The following GRM5 variants were observed in gnomAD, a reference collection of about 807,000 sequenced individuals.
GRM5 encodes the protein metabotropic glutamate receptor 5.
A neutral mutation model predicts 83.1 loss-of-function variants in GRM5; 19 were observed. The ratio of observed to expected loss-of-function variants is 0.23; its 90% CI spans 0.16 to 0.34. The LOEUF (loss-of-function observed/expected upper bound fraction) is 0.34. Ranked by LOEUF, GRM5 falls within the 10% of genes least tolerant of loss-of-function variation. The pLI is 1.00. For synonymous variants in GRM5, 675 were observed against 633.6 expected (o/e 1.07, Z -0.98); for missense variants, 1,160 against 1,588.3 (o/e 0.73, Z 4.58).
At chr11:88,638,791 A>T (rs1308680783) in intron 4 of GRM5, among the ~76,000 whole-genome samples, 1 of 151,966 alleles carries the variant, frequency 6.6e-6, no homozygotes, top group Admixed American at 6.6e-5. Flanking sequence ...TTTCTTTTTC[A>T]TATCTATAAA....
intron 3 of GRM5, among the ~76,000 whole-genome samples, chr11:88,817,184 T>C (rs949233573): frequency 1.3e-5 from 2 of 152,136 alleles, no homozygotes; most frequent in East Asian, 1.9e-4. Context: ...TATCTTCAAA[T>C]TGGTTTGGAA....
chr11:88,969,729 T>C (rs1939109323), intron 2 of GRM5, among the ~76,000 whole-genome samples: 1 of 152,038 alleles, frequency 6.6e-6, no homozygotes, highest in Non-Finnish European at 1.5e-5. Flanking sequence ...AGGGAAGAAA[T>C]AAACTGATGT....
rs140573107 is a variant in GRM5, at chr11:89,027,783, C to A, written c.661+19429G>T. ...GACCTCCATGTACTCAAAACTATGG[C>A]AACTGCTATGAACAATGTCAAAGAA... On this transcript the variant is annotated intron_variant, in intron 2 of 9. Coordinates refer to ENST00000305447, the MANE Select transcript of GRM5 (RefSeq NM_001143831.3). Among the ~76,000 whole-genome samples the A allele has an allele frequency of 5.0e-3, 761 of 152,270 alleles. 7 individuals carry two copies. Among genetic ancestry groups the A allele is most frequent in the African/African-American group, 0.018 (734 of 41,542 alleles).
chr11:88,663,777 T>C (rs186243745), intron 3 of GRM5, among the ~76,000 whole-genome samples: 1 of 152,310 alleles, frequency 6.6e-6, no homozygotes, highest in African/African-American at 2.4e-5. Flanking sequence ...TTGCCTCTTT[T>C]ATGAAGGCCA....
chr11:88,822,308 A>G (rs935115077), intron 3 of GRM5, among the ~76,000 whole-genome samples: 3 of 152,216 alleles, frequency 2.0e-5, no homozygotes, highest in Admixed American at 2.0e-4. Context: ...GATCTTGCCA[A>G]TAAGAGATAT....
At chr11:88,754,174 A>G (rs1420052741) in intron 3 of GRM5, among the ~76,000 whole-genome samples, 1 of 152,158 alleles carries the variant, frequency 6.6e-6, no homozygotes, top group Non-Finnish European at 1.5e-5. Flanking sequence ...TCAGCAAATT[A>G]ATGCAGGAAC....
chr11:88,647,512 T>C (rs1565170105), intron 4 of GRM5, among the ~76,000 whole-genome samples: 1 of 151,764 alleles, frequency 6.6e-6, no homozygotes, highest in Non-Finnish European at 1.5e-5. Context: ...TCACGATGCA[T>C]TAAAGACTTA....
chr11:88,524,214 CTTTTTTTTTT>C (rs71470770), intron 9 of GRM5, among the ~76,000 whole-genome samples: 1 of 101,408 alleles, frequency 9.9e-6, no homozygotes, highest in Non-Finnish European at 1.9e-5. Flanking sequence ...TTCTTTCTTT[CTTTTTTTTTT>C]TTTTTTTTTT....
chr11:88,840,622 A>G (rs1335199000), intron 3 of GRM5, among the ~76,000 whole-genome samples: 1 of 152,186 alleles, frequency 6.6e-6, no homozygotes, highest in Non-Finnish European at 1.5e-5. Flanking sequence ...GGCTTTTTCC[A>G]TAACAACAAT....
intron 6 of GRM5, among the ~76,000 whole-genome samples, chr11:88,596,040 T>A (rs1254563398): frequency 6.6e-6 from 1 of 152,202 alleles, no homozygotes; most frequent in African/African-American, 2.4e-5. Flanking sequence ...ACTGGATGGC[T>A]ATTTTAAAAC....
intron 1 of GRM5, among the ~76,000 whole-genome samples, chr11:89,065,499 C>G (rs1187600743): frequency 6.6e-6 from 1 of 151,970 alleles, no homozygotes; most frequent in Non-Finnish European, 1.5e-5. Context: ...CCCATTGGAG[C>G]GATACCGCGG....
intron 2 of GRM5, among the ~76,000 whole-genome samples, chr11:89,021,847 T>A (rs1017506172): frequency 5.3e-5 from 8 of 152,162 alleles, no homozygotes; most frequent in Non-Finnish European, 8.8e-5. Context: ...TTCAGAAGTA[T>A]TTTTTTCCAT....
Position 88,724,750 on chromosome 11 carries a change from T to C in GRM5, c.912-71347A>G, listed in dbSNP as rs375991228. On this transcript the variant is annotated intron_variant, in intron 3 of 9. Transcript: ENST00000305447. ...CTGGTTAGACAGTAGGTGCAGCCCA[T>C]GGAGGGTGAGCTGAAGCAGGGTGGG... Among the ~76,000 whole-genome samples the C allele has an allele frequency of 2.0e-3, 299 of 152,042 alleles. 4 individuals are homozygous for C. Among genetic ancestry groups the C allele is most frequent in the African/African-American group, 7.0e-3 (290 of 41,498 alleles).
intron 2 of GRM5, among the ~76,000 whole-genome samples, chr11:88,856,989 T>A: frequency 6.6e-6 from 1 of 152,124 alleles, no homozygotes; most frequent in Non-Finnish European, 1.5e-5. Flanking sequence ...TCTGTATGTG[T>A]ATAGATGATA....
chr11:88,673,991 A>G (rs1314326840), intron 3 of GRM5, among the ~76,000 whole-genome samples: 2 of 151,832 alleles, frequency 1.3e-5, no homozygotes, highest in Non-Finnish European at 2.9e-5. Flanking sequence ...GCTTAGACCT[A>G]TATAGAGAGA....
At chr11:88,810,475 A>G (rs2135496663) in intron 3 of GRM5, among the ~76,000 whole-genome samples, 1 of 152,204 alleles carries the variant, frequency 6.6e-6, no homozygotes, top group East Asian at 1.9e-4. Flanking sequence ...ATGCTCATAT[A>G]TAAGATTAGC....
At chr11:88,816,447 G>A (rs1433727126) in intron 3 of GRM5, among the ~76,000 whole-genome samples, 2 of 149,954 alleles carry the variant, frequency 1.3e-5, no homozygotes, top group Non-Finnish European at 3.0e-5. Flanking sequence ...GCTAAGGCAG[G>A]AGAATTACTT....
intron 8 of GRM5, among the ~76,000 whole-genome samples, chr11:88,556,764 G>C (rs1038422086): frequency 3.3e-5 from 5 of 152,042 alleles, no homozygotes; most frequent in African/African-American, 9.7e-5. Context: ...GTCAAAGTCA[G>C]GATTAGAATG....
chr11:88,587,827 C>T (rs1229065276), intron 7 of GRM5, among the ~76,000 whole-genome samples: 1 of 152,162 alleles, frequency 6.6e-6, no homozygotes, highest in African/African-American at 2.4e-5. Context: ...CAATCATACT[C>T]CTCAATGACT....
Sources: allele counts gnomAD v4.1 joint callset (sites outside exome capture counted in the v4.1 genomes callset), GRCh38; gene constraint gnomAD v4.1.1; transcripts MANE v1.5; gene names NCBI Gene and HGNC (gene_info 2026-07-23, HGNC 2026-07-21).